Variants in ARHGAP5 observed in about 807,000 individuals in gnomAD.
ARHGAP5 encodes rho GTPase-activating protein 5.
A neutral mutation model predicts 116.6 loss-of-function variants in ARHGAP5; 23 were observed. That is an observed-to-expected ratio of 0.20 (90% CI 0.14 to 0.28). The LOEUF is 0.28. Among genes scored for constraint, ARHGAP5 ranks in the 10% least tolerant of loss-of-function variants. The pLI is 1.00. For missense variants in ARHGAP5, 1,405 were observed against 1,774.8 expected, an observed-to-expected ratio of 0.79 and a Z score of 3.74; for synonymous variants, 574 against 602.0, an observed-to-expected ratio of 0.95 and a Z score of 0.68.
At chr14:32,083,814 T>G (rs1415017359) in intron 1 of ARHGAP5, among the ~76,000 whole-genome samples, 2 of 152,170 alleles carry the variant, frequency 1.3e-5, no homozygotes, top group Non-Finnish European at 2.9e-5. Flanking sequence ...TTCTCCCCAC[T>G]TCTTGGTTCT....
intron 2 of ARHGAP5, among the ~76,000 whole-genome samples, chr14:32,107,371 G>A (rs541831261): frequency 6.6e-6 from 1 of 152,154 alleles, no homozygotes; most frequent in Non-Finnish European, 1.5e-5. Flanking sequence ...GAAGAATTAG[G>A]TAAATGAAAC....
chr14:32,118,427 G>C (rs189180868), intron 3 of ARHGAP5, among the ~76,000 whole-genome samples: 369 of 152,124 alleles, frequency 2.4e-3, no homozygotes, highest in African/African-American at 8.0e-3. Context: ...AACCCAGGAG[G>C]TGAAGGTTGC....
rs557284303 is a variant in ARHGAP5, at chr14:32,093,273, A to G, written c.2604A>G (p.Ala868=). Residue 868 remains alanine, a synonymous_variant, in exon 2 of 7, where the codon GCA becomes GCG. Coordinates refer to ENST00000345122, the MANE Select transcript of ARHGAP5 (RefSeq NM_001030055.2). The part of the protein sequence containing the change: ...KRKASMGMLR[A]FLSEVQDTIP... The stretch of plus-strand genomic sequence containing the variant: ...AAGCTTCGATGGGAATGCTTCGAGC[A>G]TTTCTATCAGAAGTTCAAGACACCA... The G allele has an allele frequency of 2.1e-5, 34 of 1,613,694 alleles. No homozygotes were observed. The South Asian group carries it at 3.5e-4, about 17-fold the overall frequency.
intron 3 of ARHGAP5, among the ~76,000 whole-genome samples, chr14:32,121,628 A>T (rs1318455428): frequency 6.6e-6 from 1 of 152,210 alleles, no homozygotes; most frequent in Non-Finnish European, 1.5e-5. Context: ...AATTCACTTT[A>T]TACAATACAC....
At chr14:32,116,787 C>A (rs368601460) in intron 2 of ARHGAP5, among the ~76,000 whole-genome samples, 3 of 152,220 alleles carry the variant, frequency 2.0e-5, no homozygotes, top group East Asian at 3.9e-4. Flanking sequence ...TTCAAGAGAC[C>A]AAATGAAATT....
chr14:32,091,418 G>T lies in ARHGAP5; in HGVS notation c.749G>T (p.Arg250Leu). The change falls in exon 2 of 7, where the codon CGT (arginine) becomes CTT (leucine). Residue 250 changes from arginine to leucine, a missense_variant. Arg to Leu is a moderately radical substitution (Grantham distance 102, BLOSUM62 -2). Transcript: ENST00000345122. Reference sequence around the variant, plus strand: ...CTGGTACAAATGTTGGATAAAACTCGTAGCAAGCCTAAAATTATTCCCTAT... The same window carrying T: ...CTGGTACAAATGTTGGATAAAACTCTTAGCAAGCCTAAAATTATTCCCTAT... ...TALVQMLDKT[R>L]SKPKIIPYLD... 1 of 1,610,268 alleles carries T rather than the reference G, an allele frequency of 6.2e-7. No homozygotes were observed. The highest frequency in any genetic ancestry group is 8.5e-7 in the Non-Finnish European group (1 of 1,178,418).
intron 1 of ARHGAP5, chr14:32,078,181 C>G (rs1039408034): frequency 2.0e-5 from 3 of 152,190 alleles, no homozygotes; most frequent in Admixed American, 6.5e-5. Context: ...CGCGCGGGAG[C>G]GCGCGCGCAC....
At chr14:32,099,143 A>G (rs1206875352) in intron 2 of ARHGAP5, among the ~76,000 whole-genome samples, 1 of 152,160 alleles carries the variant, frequency 6.6e-6, no homozygotes, top group Admixed American at 6.5e-5. Context: ...GAGATGGGAA[A>G]AATATCTCCT....
chr14:32,122,376 T>C (rs1238130543), intron 3 of ARHGAP5, among the ~76,000 whole-genome samples: 6 of 152,248 alleles, frequency 3.9e-5, no homozygotes, highest in Non-Finnish European at 8.8e-5. Flanking sequence ...TTTGTCTTAC[T>C]GTTGAGTTTA....
chr14:32,151,123 G>T (rs752431952), intron 5 of ARHGAP5, among the ~76,000 whole-genome samples: 2 of 152,012 alleles, frequency 1.3e-5, no homozygotes, highest in Non-Finnish European at 2.9e-5. Context: ...GTACTCTCAG[G>T]TAAAGTGGGA....
chr14:32,121,013 CTT>C (rs56377207), intron 3 of ARHGAP5, among the ~76,000 whole-genome samples: 1 of 104,966 alleles, frequency 9.5e-6, no homozygotes, highest in African/African-American at 3.8e-5. Flanking sequence ...AGGATTATGT[CTT>C]TTTTTTTTTT....
chr14:32,077,899 C>T (rs896843028), intron 1 of ARHGAP5, among the ~76,000 whole-genome samples: 1 of 152,174 alleles, frequency 6.6e-6, no homozygotes, highest in Admixed American at 6.5e-5. Context: ...GAAACACAGT[C>T]TCGGTTGCAA....
At chr14:32,146,718 T>C (rs1195169750) in intron 4 of ARHGAP5, among the ~76,000 whole-genome samples, 1 of 152,162 alleles carries the variant, frequency 6.6e-6, no homozygotes, top group African/African-American at 2.4e-5. Flanking sequence ...GTATAAATTT[T>C]TAATGTAAGT....
At chr14:32,108,227 T>G (rs898198255) in intron 2 of ARHGAP5, among the ~76,000 whole-genome samples, 2 of 152,134 alleles carry the variant, frequency 1.3e-5, no homozygotes, top group East Asian at 1.9e-4. Context: ...TCAAGAAGTT[T>G]CGCTGTGAAA....
intron 3 of ARHGAP5, among the ~76,000 whole-genome samples, chr14:32,128,237 G>A (rs929917601): frequency 2.0e-5 from 3 of 151,778 alleles, no homozygotes; most frequent in East Asian, 3.9e-4. Flanking sequence ...CATCCCAGAC[G>A]ATGGGTGGCC....
intron 1 of ARHGAP5, among the ~76,000 whole-genome samples, chr14:32,084,105 A>T (rs2041805180): frequency 6.6e-6 from 1 of 152,224 alleles, no homozygotes; most frequent in South Asian, 2.1e-4. Flanking sequence ...TTATCAGAGT[A>T]GGGTGTACAT....
At chr14:32,122,169 C>G (rs1879920337) in intron 3 of ARHGAP5, among the ~76,000 whole-genome samples, 1 of 152,204 alleles carries the variant, frequency 6.6e-6, no homozygotes, top group Admixed American at 6.5e-5. Context: ...AATTTCTCCA[C>G]ATTTTGCCAA....
rs747267938 is a variant in ARHGAP5, at chr14:32,092,693, T to C, written c.2024T>C (p.Ile675Thr). Residue 675 changes from isoleucine (I) to threonine (T), a missense_variant, in exon 2 of 7, where the codon ATT (isoleucine) becomes ACT (threonine). Around this residue, in one of 6 missense-constraint regions of ARHGAP5, gnomAD observed 944 missense variants for 1,095.3 expected, o/e 0.86. Transcript: ENST00000345122. This position sits in a 1 kb window ranked among gnomAD's most constrained non-coding sequence, Gnocchi z 4.1. ...IESLSFIGEF[I>T]GKIRTEASQI... ...TCATTGAGTTTTATTGGGGAATTTA[T>C]TGGGAAAATAAGAACTGAAGCTTCT... is the stretch of plus-strand genomic sequence containing the variant. The C allele has an allele frequency of 3.1e-6, 5 of 1,613,870 alleles. No homozygotes were observed. Among genetic ancestry groups the C allele is most frequent in the African/African-American group, 2.7e-5 (2 of 75,012 alleles).
chr14:32,117,825 A>G (rs1282980508), intron 3 of ARHGAP5, among the ~76,000 whole-genome samples: 1 of 152,218 alleles, frequency 6.6e-6, no homozygotes, highest in Non-Finnish European at 1.5e-5. Flanking sequence ...ATTATTTTAA[A>G]AACAAGCCTG....
Sources: gnomAD v4.1 joint callset for allele counts (sites outside exome capture counted in the v4.1 genomes callset) on GRCh38, gnomAD v4.1.1 for gene constraint, gnomAD v4.1.1 regional missense constraint, Gnocchi (gnomAD v3.1) non-coding constraint, MANE v1.5 for transcripts, NCBI Gene and HGNC (gene_info 2026-07-23, HGNC 2026-07-21) for gene names.